Variants in PLCH2 observed in about 807,000 individuals in gnomAD.
PLCH2 encodes the protein phospholipase C eta 2.
Under a neutral mutation model 134.7 loss-of-function variants are expected in PLCH2, and 98 were observed. That is an observed-to-expected ratio of 0.73 (90% CI 0.62 to 0.86). PLCH2 has a LOEUF of 0.86. Among genes scored for constraint, PLCH2 ranks in the 40% least tolerant of loss-of-function variants. PLCH2 has a pLI of 0.00. For synonymous variants in PLCH2, 974 were observed against 827.5 expected (o/e 1.18, Z -3.04); for missense variants, 1,994 against 1,986.6 (o/e 1.00, Z -0.07).
Position 2,502,174 on chromosome 1 carries a change from C to G in PLCH2, c.2724C>G (p.Asp908Glu). ...FLRGPKPGSLDSHAAGRPPAR... is the reference protein window; with the variant it reads ...FLRGPKPGSLESHAAGRPPAR... ...GAGGCCCAAAGCCCGGCTCGCTGGACAGTCATGCTGCTGGGCGGCCCCCGG... is the reference window on the plus strand; with the variant it reads ...GAGGCCCAAAGCCCGGCTCGCTGGAGAGTCATGCTGCTGGGCGGCCCCCGG... The change falls in exon 21 of 22, where the codon GAC (aspartate) becomes GAG (glutamate). Residue 908 changes from aspartate (D) to glutamate (E), a missense_variant. Asp to Glu is a conservative substitution (Grantham distance 45). Transcript: ENST00000378486. 1 of 1,520,858 alleles carries G rather than the reference C, an allele frequency of 6.6e-7. No individual in the cohort carries two copies. The highest frequency in any genetic ancestry group is 8.8e-7 in the Non-Finnish European group (1 of 1,136,744). 94.2% of individuals were successfully genotyped at this position (1,520,858 alleles called of 1,614,324 possible).
intron 21 of PLCH2, chr1:2,502,887 G>A (rs1276670324): frequency 5.6e-6 from 4 of 717,088 alleles, no homozygotes; most frequent in Non-Finnish European, 1.0e-5. Flanking sequence ...GAGATCAGGA[G>A]TAAATCCCCC....
rs12728898 is a variant in PLCH2 at position 2,440,702 on chromosome 1, G to A, written c.115+10073G>A. Among the ~76,000 whole-genome samples the A allele has an allele frequency of 6.3e-3, 753 of 119,340 alleles. 31 individuals carry two copies. Among genetic ancestry groups the A allele is most frequent in the East Asian group, 0.024 (76 of 3,128 alleles). 78.3% of individuals were successfully genotyped at this position (119,340 alleles called of 152,430 possible). On this transcript the variant is annotated intron_variant, in intron 2 of 3. Transcript: ENST00000609981. ...GTCTGTCGCTGGCCTTGGCCGGCCT[G>A]CCCGGGGATCTTGCATGCTGCGACC... is the stretch of plus-strand genomic sequence containing the variant.
chr1:2,432,582 G>A (rs1030228578), intron 2 of PLCH2, among the ~76,000 whole-genome samples: 4 of 152,198 alleles, frequency 2.6e-5, no homozygotes, highest in Non-Finnish European at 4.4e-5. Context: ...GCACAGGCTG[G>A]GGTGTGCACC....
upstream of PLCH2, among the ~76,000 whole-genome samples, chr1:2,476,044 C>T (rs148018667): frequency 3.7e-3 from 562 of 152,324 alleles, 3 homozygotes; most frequent in Non-Finnish European, 6.2e-3. Flanking sequence ...ACAGGGTCCT[C>T]GGAGGACAGT....
At chr1:2,441,526 A>G (rs1639693297) in intron 2 of PLCH2, among the ~76,000 whole-genome samples, 1 of 151,944 alleles carries the variant, frequency 6.6e-6, no homozygotes, top group African/African-American at 2.4e-5. Context: ...TCCTCCACTC[A>G]TCTGCTGAGT....
At chr1:2,497,740 G>A (rs767854038) in intron 16 of PLCH2, 131 bp downstream of exon 16, 72 of 627,484 alleles carry the variant, frequency 1.1e-4, no homozygotes, top group Non-Finnish European at 1.8e-4. Flanking sequence ...GTCCCCTGGA[G>A]GGTCAGGTTG....
intron 2 of PLCH2, among the ~76,000 whole-genome samples, chr1:2,461,827 C>T (rs1570342852): frequency 6.6e-6 from 1 of 152,036 alleles, no homozygotes; most frequent in East Asian, 1.9e-4. Flanking sequence ...GGGAATGGCA[C>T]CATGGAAGGT....
intron 11 of PLCH2, chr1:2,492,236 G>C (rs1444461729): frequency 6.6e-6 from 1 of 152,220 alleles, no homozygotes; most frequent in Non-Finnish European, 1.5e-5. Context: ...TTGCGTTTCC[G>C]CCCACGGGCC....
At position 2,484,631 on chromosome 1, in the gene PLCH2, G is replaced by C; in HGVS notation, c.816+13G>C. 1 of 1,608,672 alleles carries C rather than the reference G, an allele frequency of 6.2e-7. No homozygotes were observed. Among genetic ancestry groups the C allele is most frequent in the East Asian group, 2.2e-5 (1 of 44,876 alleles). The stretch of plus-strand genomic sequence containing the variant: ...GGTGGAGCAGAAGGTGTGCTGCCCG[G>C]GGCAGGTGTTGGGGGGCCAGCCATC... On this transcript the variant is annotated intron_variant, in intron 5 of 21. Coordinates refer to ENST00000378486, the MANE Select transcript of PLCH2 (RefSeq NM_014638.4).
upstream of PLCH2, among the ~76,000 whole-genome samples, chr1:2,474,889 C>T (rs570626769): frequency 7.9e-5 from 12 of 152,306 alleles, no homozygotes; most frequent in East Asian, 2.3e-3. Context: ...CTGGCCCCTG[C>T]GCTGCCCCTT....
At chr1:2,425,226 A>G (rs1334421157), upstream of PLCH2, among the ~76,000 whole-genome samples, 1 of 151,032 alleles carries the variant, frequency 6.6e-6, no homozygotes, top group African/African-American at 2.5e-5. Context: ...ACACACACAC[A>G]TATTTACACA....
At chr1:2,416,922 G>T in the PLCH2 span, among the ~76,000 whole-genome samples, 1 of 152,212 alleles carries the variant, frequency 6.6e-6, no homozygotes, top group African/African-American at 2.4e-5. Flanking sequence ...AGCAGAGCCA[G>T]CCTGGGGGGG....
At chr1:2,459,394 TG>T (rs1640663868) in intron 2 of PLCH2, among the ~76,000 whole-genome samples, 1 of 121,922 alleles carries the variant, frequency 8.2e-6, no homozygotes, top group African/African-American at 3.3e-5. Context: ...TCCTCCTTCC[TG>T]GTGGTTCTCC....
At chr1:2,464,303 C>T (rs1640957002), upstream of PLCH2, among the ~76,000 whole-genome samples, 1 of 152,208 alleles carries the variant, frequency 6.6e-6, no homozygotes, top group Non-Finnish European at 1.5e-5. Flanking sequence ...ATCTTTCCAT[C>T]CTTGGCTTTC....
intron 2 of PLCH2, among the ~76,000 whole-genome samples, chr1:2,431,023 C>T (rs1344379494): frequency 2.6e-5 from 4 of 152,300 alleles, no homozygotes; most frequent in East Asian, 1.9e-4. Context: ...CCCGATGTGG[C>T]GGACAGCTCT....
chr1:2,421,550 G>A (rs1638514891), upstream of PLCH2, among the ~76,000 whole-genome samples: 1 of 152,192 alleles, frequency 6.6e-6, no homozygotes, highest in Admixed American at 6.5e-5. Flanking sequence ...TGTCTGTCTA[G>A]TGGAAATGCC....
At position 2,491,305 on chromosome 1, in the gene PLCH2, A is replaced by G. The variant is rs1558017085; in HGVS notation, c.1629A>G (p.Thr543=). ...ACCCCAACAACTTCTCCGTCTCCAC[A>G]CTGTCCCCATCTGGAAAGCTCGGAC... The part of the protein sequence containing the change: ...CEDPNNFSVS[T]LSPSGKLGRK... The change falls in exon 11 of 22, where the codon ACA becomes ACG. Residue 543 remains threonine, a synonymous_variant. Coordinates refer to ENST00000378486, the MANE Select transcript of PLCH2 (RefSeq NM_014638.4). 2 of 1,613,080 alleles carry G rather than the reference A, an allele frequency of 1.2e-6. No individual in the cohort carries two copies. Among genetic ancestry groups the G allele is most frequent in the Non-Finnish European group, 1.7e-6 (2 of 1,179,848 alleles).
At chr1:2,497,873 G>A (rs1208692216) in intron 16 of PLCH2, 3 of 457,780 alleles carry the variant, frequency 6.6e-6, no homozygotes, top group East Asian at 6.5e-5. Context: ...GGCCCCACAT[G>A]AGATTCATGG....
At chr1:2,435,126 G>T (rs56239813) in intron 2 of PLCH2, among the ~76,000 whole-genome samples, 1 of 152,226 alleles carries the variant, frequency 6.6e-6, no homozygotes, top group African/African-American at 2.4e-5. Context: ...AGAGAAGTGG[G>T]CAGTCCAGGA....
Sources: gnomAD v4.1 joint callset for allele counts (sites outside exome capture counted in the v4.1 genomes callset) on GRCh38, gnomAD v4.1.1 for gene constraint, MANE v1.5 for transcripts, NCBI Gene and HGNC (gene_info 2026-07-23, HGNC 2026-07-21) for gene names.